The following SFMBT2 variants were observed in gnomAD, a reference collection of about 807,000 sequenced individuals.
SFMBT2 encodes the protein Scm like with four mbt domains 2.
In SFMBT2, 38 loss-of-function variants were observed where a neutral mutation model predicts 110.1. The observed-to-expected ratio is 0.35, with a 90% CI of 0.27 to 0.45. The LOEUF is 0.45. Ranked by LOEUF, SFMBT2 falls within the 20% of genes least tolerant of loss-of-function variation. The pLI, the probability that SFMBT2 is intolerant of heterozygous loss-of-function variation, is 1.00. For synonymous variants in SFMBT2, 425 were observed against 425.4 expected (o/e 1.00, Z 0.01); for missense variants, 1,011 against 1,094.9 (o/e 0.92, Z 1.08).
chr10:7,229,728 T>TTG (rs1491452574), intron 9 of SFMBT2, among the ~76,000 whole-genome samples: 1 of 59,192 alleles, frequency 1.7e-5, no homozygotes, highest in African/African-American at 6.0e-5. Flanking sequence ...GTTGTTGTTG[T>TTG]TTTTTTTTTT....
At chr10:7,215,988 T>C (rs1477157586) in intron 11 of SFMBT2, among the ~76,000 whole-genome samples, 1 of 152,204 alleles carries the variant, frequency 6.6e-6, no homozygotes, top group Non-Finnish European at 1.5e-5. Flanking sequence ...TCATTCTCTC[T>C]CGGAAAATTC....
At chr10:7,196,053 C>G (rs2692803) in intron 15 of SFMBT2, among the ~76,000 whole-genome samples, 89,877 of 151,984 alleles carry the variant, frequency 0.59, 27,169 homozygotes, top group Middle Eastern at 0.62. Flanking sequence ...CTCTGACTTC[C>G]CTTCAATGGC....
chr10:7,170,828 C>A lies in SFMBT2; in HGVS notation c.2544+100G>T. 7.0e-7 allele frequency: 1 copy of A among 1,425,694 alleles called. No homozygotes were observed. Among genetic ancestry groups the A allele is most frequent in the Admixed American group, 1.8e-5 (1 of 54,492 alleles). 88.3% of individuals were successfully genotyped at this position (1,425,694 alleles called of 1,614,324 possible). A position where few individuals can be genotyped will look rare whatever the true frequency, so the allele number is the denominator to read the frequency against. On this transcript the variant is annotated intron_variant, in intron 20 of 20. Coordinates refer to ENST00000397167, the MANE Select transcript of SFMBT2 (RefSeq NM_001387889.1). This position sits in a 1 kb window ranked among gnomAD's most constrained non-coding sequence, Gnocchi z 4.6. ...CACCTGCCGAGCAGCGCCGAAGAAC[C>A]CCCTCGCAGGTGTCACGAGGAAGCC...
chr10:7,355,758 G>A (rs959141564), intron 4 of SFMBT2, among the ~76,000 whole-genome samples: 4 of 152,176 alleles, frequency 2.6e-5, no homozygotes, highest in African/African-American at 9.7e-5. Context: ...GCTGCAGTAA[G>A]CCGAGATAGA....
rs35816107 is a variant in SFMBT2, at chr10:7,376,727, C to CAAAAAAAAAAAAAAA, written c.100+5057_100+5071dup. Reference sequence around the variant, plus strand: ...AAAAAAAAAAAAAAAGGCCCTCCCACAAAAAAAAAAAAAAAAAAAAAAAAA... The same window carrying CAAAAAAAAAAAAAAA: ...AAAAAAAAAAAAAAAGGCCCTCCCACAAAAAAAAAAAAAAAAAAAAAAAAAAAAAAAAAAAAAAAA... On this transcript the variant is annotated intron_variant, in intron 2 of 20. Transcript: ENST00000397167. 6.7e-5 allele frequency among the ~76,000 whole-genome samples: 3 copies of CAAAAAAAAAAAAAAA among 44,736 alleles called. 1 individual carries two copies. The highest frequency in any genetic ancestry group is 3.1e-4 in the African/African-American group (3 of 9,810). 29.3% of individuals were successfully genotyped at this position (44,736 alleles called of 152,430 possible). A position where few individuals can be genotyped will look rare whatever the true frequency, so the allele number is the denominator to read the frequency against.
intron 4 of SFMBT2, among the ~76,000 whole-genome samples, chr10:7,291,759 C>T (rs142861098): frequency 6.6e-6 from 1 of 152,324 alleles, no homozygotes; most frequent in Non-Finnish European, 1.5e-5. Context: ...GGGTTCTCCC[C>T]AGACAATTCA....
rs1015722704 is a variant in SFMBT2, at chr10:7,367,562, C to T, written c.436+87G>A. ...TGCACTAAGACCATTAGGGATTCTACGCAAGGTTCTCTCTGCTCCTTGCAA... is the reference window on the plus strand; with the variant it reads ...TGCACTAAGACCATTAGGGATTCTATGCAAGGTTCTCTCTGCTCCTTGCAA... On this transcript the variant is annotated intron_variant, in intron 4 of 20. Transcript: ENST00000397167. The surrounding 1 kb of genome is among the most constrained non-coding windows in gnomAD (Gnocchi z 6.2). 3.3e-6 allele frequency: 5 copies of T among 1,525,592 alleles called. No homozygotes were observed. The highest frequency in any genetic ancestry group is 4.5e-5 in the East Asian group (2 of 44,198). The allele number at this position is 1,525,592 out of a possible 1,614,324, so 94.5% of individuals were successfully genotyped here.
chr10:7,273,631 G>A (rs763883383), intron 7 of SFMBT2, among the ~76,000 whole-genome samples: 15 of 152,044 alleles, frequency 9.9e-5, no homozygotes, highest in Non-Finnish European at 1.8e-4. Context: ...CACACCCCAC[G>A]ACAGACCCCA....
At chr10:7,407,653 C>T (rs565091340) in intron 1 of SFMBT2, among the ~76,000 whole-genome samples, 11 of 152,312 alleles carry the variant, frequency 7.2e-5, no homozygotes, top group South Asian at 4.1e-4. Flanking sequence ...CCTCGCCTTG[C>T]CTTCTTGGAA....
At chr10:7,333,940 T>A (rs1410681439) in intron 4 of SFMBT2, among the ~76,000 whole-genome samples, 1 of 152,070 alleles carries the variant, frequency 6.6e-6, no homozygotes, top group East Asian at 1.9e-4. Flanking sequence ...GTAAATAAAA[T>A]CTGGGGAAAG....
In SFMBT2 at chr10:7,285,936, G is replaced by C; in HGVS notation, c.455C>G (p.Thr152Arg). 1 of 871,788 alleles carries C rather than the reference G, an allele frequency of 1.1e-6. No homozygotes were observed. Among genetic ancestry groups the C allele is most frequent in the Non-Finnish European group, 2.0e-6 (1 of 501,530 alleles). The allele number at this position is 871,788 out of a possible 1,614,324, so 54.0% of individuals were successfully genotyped here. Residue 152 changes from threonine to arginine, a missense_variant, in exon 5 of 21, where the codon ACA (threonine) becomes AGA (arginine). This residue lies in a region of SFMBT2 where 979 missense variants were observed against 1,016.1 expected (regional missense o/e 0.96). Transcript: ENST00000397167. ...ACGTATGAGAAATTCTGTCCAGTCTGTGTACTTCTCTTTGATTGCTGGCAA... is the reference window on the plus strand; with the variant it reads ...ACGTATGAGAAATTCTGTCCAGTCTCTGTACTTCTCTTTGATTGCTGGCAA... ...MPPDAIKEKY[T>R]DWTEFLIRDL... is the part of the protein sequence containing the mutation.
Position 7,367,022 on chromosome 10 carries a change from C to G in SFMBT2, c.436+627G>C, listed in dbSNP as rs1844929934. On this transcript the variant is annotated intron_variant, in intron 4 of 20. Transcript: ENST00000397167. The surrounding 1 kb of genome is among the most constrained non-coding windows in gnomAD (Gnocchi z 6.2). ...TATCTATATGGGCTTTGACCACTCC[C>G]TTGAGACCAATGTCATTTCTCTCAT... 6.6e-6 allele frequency among the ~76,000 whole-genome samples: 1 copy of G among 152,016 alleles called. No homozygotes were observed. Among genetic ancestry groups the G allele is most frequent in the South Asian group, 2.1e-4 (1 of 4,804 alleles).
In SFMBT2 at chr10:7,172,833, G is replaced by A. The variant is rs1588763999; in HGVS notation, c.1985-172C>T. ...GGAGAAGCACTGCTCCAAAGCTTCAGGTCTGGAAGGTGTTCGGGCTGAACT... is the reference window on the plus strand; with the variant it reads ...GGAGAAGCACTGCTCCAAAGCTTCAAGTCTGGAAGGTGTTCGGGCTGAACT... On this transcript the variant is annotated intron_variant, in intron 17 of 20. Coordinates refer to ENST00000397167, the MANE Select transcript of SFMBT2 (RefSeq NM_001387889.1). This position sits in a 1 kb window ranked among gnomAD's most constrained non-coding sequence, Gnocchi z 4.6. 6.6e-6 allele frequency among the ~76,000 whole-genome samples: 1 copy of A among 152,328 alleles called. No homozygotes were observed. Among genetic ancestry groups the A allele is most frequent in the Non-Finnish European group, 1.5e-5 (1 of 68,028 alleles).
At chr10:7,209,530 T>C (rs1839265337) in intron 11 of SFMBT2, among the ~76,000 whole-genome samples, 1 of 152,250 alleles carries the variant, frequency 6.6e-6, no homozygotes, top group Non-Finnish European at 1.5e-5. Context: ...GAAGGAATAT[T>C]CTGCAGCTAT....
chr10:7,397,857 C>T (rs1845970136), intron 1 of SFMBT2, among the ~76,000 whole-genome samples: 1 of 152,208 alleles, frequency 6.6e-6, no homozygotes. Context: ...TAATATCTGA[C>T]TAAGTACATC....
intron 14 of SFMBT2, chr10:7,197,893 T>C: frequency 4.6e-6 from 4 of 877,336 alleles, no homozygotes; most frequent in Non-Finnish European, 5.5e-6. Flanking sequence ...GTTAGAACTG[T>C]AATTAGGAGG....
At chr10:7,179,380 G>A (rs1212956087) in intron 16 of SFMBT2, among the ~76,000 whole-genome samples, 1 of 42,472 alleles carries the variant, frequency 2.4e-5, no homozygotes, top group African/African-American at 7.7e-5. Context: ...TATTGCTTTT[G>A]TTGCATTTTC....
intron 4 of SFMBT2, among the ~76,000 whole-genome samples, chr10:7,322,212 C>T (rs1244849671): frequency 6.6e-6 from 1 of 152,198 alleles, no homozygotes; most frequent in African/African-American, 2.4e-5. Context: ...TGGTTTTATA[C>T]ATGGGAGTTC....
rs1238406160 is a variant in SFMBT2 at position 7,274,547 on chromosome 10, T to C, written c.870+2345A>G. ...GCTCTTATTCTCCTTCCTGCTGCCA[T>C]GTGAAAAAGGACATCTTTGCTTCCC... On this transcript the variant is annotated intron_variant, in intron 7 of 20. Transcript: ENST00000397167. Among the ~76,000 whole-genome samples the C allele has an allele frequency of 2.0e-5, 3 of 152,282 alleles. No individual in the cohort carries two copies. The East Asian group carries it at 5.8e-4, about 29-fold the overall frequency.
Sources: allele counts gnomAD v4.1 joint callset (sites outside exome capture counted in the v4.1 genomes callset), GRCh38; gene constraint gnomAD v4.1.1; regional missense constraint gnomAD v4.1.1; non-coding constraint Gnocchi (gnomAD v3.1); transcripts MANE v1.5; gene names NCBI Gene and HGNC (gene_info 2026-07-23, HGNC 2026-07-21).